The following SCNN1B variants were observed in gnomAD, a reference collection of about 807,000 sequenced individuals.
The protein encoded by SCNN1B is epithelial sodium channel subunit beta.
In SCNN1B, 46 loss-of-function variants were observed where a neutral mutation model predicts 65.3. That is an observed-to-expected ratio of 0.70 (90% CI 0.56 to 0.90). The LOEUF is 0.90. Ranked by LOEUF, SCNN1B falls within the 40% of genes least tolerant of loss-of-function variation. SCNN1B has a pLI of 0.00. For missense variants in SCNN1B, 751 were observed against 830.5 expected, an observed-to-expected ratio of 0.90 and a Z score of 1.18; for synonymous variants, 349 against 330.6, an observed-to-expected ratio of 1.06 and a Z score of -0.60.
At position 23,381,132 on chromosome 16, in the gene SCNN1B, C is replaced by A. The variant is rs1963043839; in HGVS notation, c.*331C>A. The A allele has an allele frequency of 2.4e-6, 1 of 410,960 alleles. No homozygotes were observed. 25.5% of individuals were successfully genotyped at this position (410,960 alleles called of 1,614,324 possible). A position where few individuals can be genotyped will look rare whatever the true frequency, so the allele number is the denominator to read the frequency against. On this transcript the variant is annotated 3_prime_UTR_variant, in exon 13 of 13. Transcript: ENST00000343070. ...CTTCCCTCCCAGTGCCAGTCTCCAT[C>A]CACCCCAGAGAGGAACAGGCGGGTG...
At position 23,371,432 on chromosome 16, in the gene SCNN1B, G is replaced by A. The variant is rs752892460; in HGVS notation, c.1014G>A (p.Ser338=). The A allele has an allele frequency of 2.2e-5, 35 of 1,613,976 alleles. No homozygotes were observed. The highest frequency in any genetic ancestry group is 1.8e-4 in the Admixed American group (11 of 60,002). ...FIRDEGIYAM[S]GTETSIGVLV... ...GAGATGAGGGCATCTACGCCATGTC[G>A]GGGACAGAGACGTCCATCGGGGTAC... Residue 338 remains serine, a synonymous_variant, in exon 6 of 13, where the codon TCG becomes TCA. Transcript: ENST00000343070.
intron 1 of SCNN1B, among the ~76,000 whole-genome samples, chr16:23,343,590 A>AGAAAGAAAGAAAGAAAGAAG (rs1491299793): frequency 3.6e-5 from 2 of 55,066 alleles, no homozygotes; most frequent in East Asian, 1.1e-3. Context: ...AGAGAAAGAA[A>AGAAAGAAAGAAAGAAAGAAG]GAAAGAAAGA....
At chr16:23,369,903 G>A (rs564980402) in intron 5 of SCNN1B, among the ~76,000 whole-genome samples, 49 of 152,272 alleles carry the variant, frequency 3.2e-4, no homozygotes, top group African/African-American at 1.1e-3. Flanking sequence ...CCATCATGCA[G>A]CCCTTGTGAG....
chr16:23,380,473 G>T lies in SCNN1B; in HGVS notation c.1595G>T (p.Gly532Val). 1.2e-6 allele frequency: 2 copies of T among 1,614,232 alleles called. No homozygotes were observed. Among genetic ancestry groups the T allele is most frequent in the South Asian group, 1.1e-5 (1 of 91,090 alleles). The change falls in exon 13 of 13, where the codon GGC becomes GTC. Residue 532 changes from glycine to valine, a missense_variant. Physicochemically the swap from Gly to Val is moderately radical, Grantham distance 109. Transcript: ENST00000343070. The surrounding 1 kb of genome is among the most constrained non-coding windows in gnomAD (Gnocchi z 5.4). ...GGCCAGTTTGGCTTCTGGATGGGGG[G>T]CTCTGTGCTGTGCCTCATCGAGTTT... ...LGGQFGFWMG[G>V]SVLCLIEFGE...
At chr16:23,368,071 A>G (rs1323947128) in intron 5 of SCNN1B, 112 bp downstream of exon 5, 2 of 889,248 alleles carry the variant, frequency 2.2e-6, no homozygotes, top group East Asian at 2.4e-5. Flanking sequence ...GGACCAAGGC[A>G]TCAAGAGGAG....
chr16:23,278,972 T>C (rs1960744867), intron 1 of SCNN1B, among the ~76,000 whole-genome samples: 1 of 151,796 alleles, frequency 6.6e-6, no homozygotes. Flanking sequence ...AAATGGCTAA[T>C]TTTATGTTCT....
chr16:23,308,065 G>C (rs528295350), intron 1 of SCNN1B, among the ~76,000 whole-genome samples: 2 of 152,168 alleles, frequency 1.3e-5, no homozygotes, highest in Non-Finnish European at 2.9e-5. Flanking sequence ...GAATTTTGGT[G>C]TGGTGGCGCA....
chr16:23,282,958 T>G (rs575413025), intron 1 of SCNN1B, among the ~76,000 whole-genome samples: 7 of 152,348 alleles, frequency 4.6e-5, no homozygotes, highest in African/African-American at 1.7e-4. Context: ...TGTTTAACAC[T>G]ACCAGCTTGA....
intron 11 of SCNN1B, 109 bp from the exon 12 acceptor site, chr16:23,379,985 T>C: frequency 1.2e-6 from 1 of 846,484 alleles, no homozygotes; most frequent in Admixed American, 1.8e-5. Flanking sequence ...TGCATACATG[T>C]GGGTGTGTGC....
chr16:23,311,245 C>A (rs951787092), intron 1 of SCNN1B, among the ~76,000 whole-genome samples: 1 of 152,236 alleles, frequency 6.6e-6, no homozygotes, highest in African/African-American at 2.4e-5. Flanking sequence ...GCAAATGTGG[C>A]CCTTTCCTTT....
intron 1 of SCNN1B, among the ~76,000 whole-genome samples, chr16:23,279,600 T>C (rs554451062): frequency 6.6e-6 from 1 of 152,332 alleles, no homozygotes; most frequent in South Asian, 2.1e-4. Context: ...GCATATAGCT[T>C]ATCTTTGGGC....
Position 23,375,864 on chromosome 16 carries a change from G to T in SCNN1B, c.1270+9G>T, listed in dbSNP as rs1295591365. 1 of 1,568,364 alleles carries T rather than the reference G, an allele frequency of 6.4e-7. No individual in the cohort carries two copies. Among genetic ancestry groups the T allele is most frequent in the Admixed American group, 1.7e-5 (1 of 59,986 alleles). On this transcript the variant is annotated intron_variant, in intron 8 of 12. Coordinates refer to ENST00000343070, the MANE Select transcript of SCNN1B (RefSeq NM_000336.3). Reference sequence around the variant, plus strand: ...GGACTTCCCAGACTGGGGTGAGCGGGGGCACGGGGGATCGGCACTCCAGCC... The same window carrying T: ...GGACTTCCCAGACTGGGGTGAGCGGTGGCACGGGGGATCGGCACTCCAGCC...
At chr16:23,314,701 A>G (rs1256386858) in intron 1 of SCNN1B, among the ~76,000 whole-genome samples, 1 of 152,218 alleles carries the variant, frequency 6.6e-6, no homozygotes, top group Non-Finnish European at 1.5e-5. Context: ...GCTTTTCACA[A>G]TGCCAGGAAC....
upstream of SCNN1B, among the ~76,000 whole-genome samples, chr16:23,297,579 C>T (rs190542892): frequency 5.9e-5 from 9 of 152,278 alleles, no homozygotes; most frequent in Admixed American, 3.3e-4. Flanking sequence ...ATTATACAGC[C>T]TCTTCCAAAA....
intron 1 of SCNN1B, among the ~76,000 whole-genome samples, chr16:23,317,640 C>A (rs1048870003): frequency 6.6e-6 from 1 of 152,182 alleles, no homozygotes; most frequent in African/African-American, 2.4e-5. Context: ...CTGCTCCTGT[C>A]CCAAAGGGTT....
chr16:23,328,299 A>G (rs1486835167), intron 1 of SCNN1B, among the ~76,000 whole-genome samples: 1 of 152,214 alleles, frequency 6.6e-6, no homozygotes, highest in South Asian at 2.1e-4. Flanking sequence ...TTTTGTGGAC[A>G]TTCTTGCTTA....
intron 3 of SCNN1B, among the ~76,000 whole-genome samples, chr16:23,355,076 A>G (rs563079292): frequency 3.3e-5 from 5 of 152,108 alleles, no homozygotes; most frequent in Non-Finnish European, 7.4e-5. Context: ...GGGTGGGTGC[A>G]CCAGCCTGAT....
intron 1 of SCNN1B, among the ~76,000 whole-genome samples, chr16:23,323,052 G>A (rs919012004): frequency 1.3e-5 from 2 of 151,836 alleles, no homozygotes; most frequent in East Asian, 1.9e-4. Flanking sequence ...AAATTAGCTC[G>A]GCATCACCAT....
chr16:23,354,878 T>C (rs963735383), intron 3 of SCNN1B, among the ~76,000 whole-genome samples: 1 of 152,164 alleles, frequency 6.6e-6, no homozygotes, highest in African/African-American at 2.4e-5. Flanking sequence ...TGTGTGTGTT[T>C]TTGCCCATGC....
Sources: gnomAD v4.1 joint callset for allele counts (sites outside exome capture counted in the v4.1 genomes callset) on GRCh38, gnomAD v4.1.1 for gene constraint, Gnocchi (gnomAD v3.1) non-coding constraint, MANE v1.5 for transcripts, NCBI Gene and HGNC (gene_info 2026-07-23, HGNC 2026-07-21) for gene names.